Variants in FSTL5 observed in about 807,000 individuals in gnomAD.
The protein encoded by FSTL5 is follistatin like 5, also known as follistatin-related protein 5.
In FSTL5, 62 loss-of-function variants were observed where a neutral mutation model predicts 89.1. The observed-to-expected ratio is 0.70, with a 90% CI of 0.57 to 0.86. The LOEUF (loss-of-function observed/expected upper bound fraction) is 0.86. Ranked by LOEUF, FSTL5 falls within the 40% of genes least tolerant of loss-of-function variation. The pLI is 0.00. For missense variants in FSTL5, 1,057 were observed against 1,001.6 expected (o/e 1.06, Z -0.75); for synonymous variants, 383 against 346.2 (o/e 1.11, Z -1.18).
chr4:161,982,668 CAT>C (rs1188476722), intron 3 of FSTL5, among the ~76,000 whole-genome samples: 1 of 152,262 alleles, frequency 6.6e-6, no homozygotes, highest in South Asian at 2.1e-4. Context: ...TTTGATTTAA[CAT>C]ATGTACATTC....
intron 10 of FSTL5, among the ~76,000 whole-genome samples, chr4:161,511,452 A>G (rs1201082223): frequency 6.6e-6 from 1 of 152,152 alleles, no homozygotes; most frequent in Non-Finnish European, 1.5e-5. Flanking sequence ...TAAATACATG[A>G]TGTGTGCATT....
chr4:161,438,156 AG>A (rs1298044980), intron 15 of FSTL5, among the ~76,000 whole-genome samples: 2 of 152,216 alleles, frequency 1.3e-5, no homozygotes, highest in Admixed American at 1.3e-4. Context: ...AAAGGCAGGA[AG>A]GGTGAAGAAA....
At chr4:161,644,054 C>T (rs932309785) in intron 7 of FSTL5, among the ~76,000 whole-genome samples, 4 of 151,326 alleles carry the variant, frequency 2.6e-5, no homozygotes, top group African/African-American at 9.7e-5. Flanking sequence ...TGAGAACAGT[C>T]AGTTTTATTC....
chr4:161,627,814 A>G (rs1178599457), intron 7 of FSTL5, among the ~76,000 whole-genome samples: 2 of 152,154 alleles, frequency 1.3e-5, no homozygotes, highest in African/African-American at 2.4e-5. Context: ...CTATATATTA[A>G]AAAATCTTAT....
chr4:162,029,051 G>T lies in FSTL5; in HGVS notation c.160+4574C>A, dbSNP rs549715254. On this transcript the variant is annotated intron_variant, in intron 3 of 15. Transcript: ENST00000306100. ...CCGGATACATTAGGCGATTTTCAGT[G>T]CTCTGAGGTGCCAATATAAAATAAA... 4.1e-4 allele frequency among the ~76,000 whole-genome samples: 63 copies of T among 152,108 alleles called. 1 individual carries two copies. In the South Asian group the frequency reaches 6.5e-3, roughly 16 times the overall value.
rs188724746 is a variant in FSTL5, at chr4:161,665,424, G to A, written c.728-8930C>T. Among the ~76,000 whole-genome samples, 921 of 152,124 alleles carry A rather than the reference G, an allele frequency of 6.1e-3. 9 individuals carry two copies. The highest frequency in any genetic ancestry group is 0.046 in the South Asian group (220 of 4,824). On this transcript the variant is annotated intron_variant, in intron 6 of 15. Coordinates refer to ENST00000306100, the MANE Select transcript of FSTL5 (RefSeq NM_020116.5). The stretch of plus-strand genomic sequence containing the variant: ...AATTTTTTGTATTTTTAGTAGAGAT[G>A]GGGTTTCACCGTGTTAGCCAGGATG...
intron 2 of FSTL5, among the ~76,000 whole-genome samples, chr4:162,073,252 G>T (rs1405430023): frequency 6.6e-6 from 1 of 151,698 alleles, no homozygotes; most frequent in Non-Finnish European, 1.5e-5. Context: ...GTGTATGTGT[G>T]TGTGTGTATG....
intron 6 of FSTL5, among the ~76,000 whole-genome samples, chr4:161,689,455 T>C (rs34486050): frequency 0.31 from 46,608 of 151,964 alleles, 7,861 homozygotes; most frequent in Middle Eastern, 0.45. Flanking sequence ...AAAAATCTTA[T>C]TTAAATTATT....
At chr4:162,000,532 A>G (rs1399646260) in intron 3 of FSTL5, among the ~76,000 whole-genome samples, 2 of 150,388 alleles carry the variant, frequency 1.3e-5, no homozygotes, top group African/African-American at 2.4e-5. Flanking sequence ...AGGGAGGTGG[A>G]GGTTGCAGTG....
At chr4:161,465,375 A>G (rs1037350880) in intron 13 of FSTL5, among the ~76,000 whole-genome samples, 2 of 152,274 alleles carry the variant, frequency 1.3e-5, no homozygotes, top group East Asian at 3.9e-4. Context: ...AGGAATATAT[A>G]ATTACAAAAA....
At chr4:161,779,780 TATATATATATA>T (rs1560840812) in intron 4 of FSTL5, among the ~76,000 whole-genome samples, 13 of 42,786 alleles carry the variant, frequency 3.0e-4, no homozygotes, top group South Asian at 9.6e-4. Flanking sequence ...TATATGTATA[TATATATATATA>T]TATATATATA....
intron 2 of FSTL5, among the ~76,000 whole-genome samples, chr4:162,061,084 G>T (rs1578995553): frequency 6.6e-6 from 1 of 151,794 alleles, no homozygotes; most frequent in African/African-American, 2.4e-5. Flanking sequence ...TTATTTTTTT[G>T]CTTTCTTCCT....
At position 161,410,272 on chromosome 4, in the gene FSTL5, T is replaced by A. The variant is rs568019646; in HGVS notation, c.1842-23823A>T. 3.9e-5 allele frequency among the ~76,000 whole-genome samples: 6 copies of A among 152,206 alleles called. No individual in the cohort carries two copies. The East Asian group carries it at 9.7e-4, about 25-fold the overall frequency. On this transcript the variant is annotated intron_variant, in intron 15 of 15. Transcript: ENST00000306100. The stretch of plus-strand genomic sequence containing the variant: ...TGAAAAGACTTAGCCAACCACATGA[T>A]AAGAGTGAGAGACTTGAACACCCCA...
At chr4:161,637,895 TG>T (rs1422931624) in intron 7 of FSTL5, among the ~76,000 whole-genome samples, 3 of 134,990 alleles carry the variant, frequency 2.2e-5, no homozygotes, top group African/African-American at 8.5e-5. Context: ...AGTCAGGTAG[TG>T]TGATGCCTCC....
intron 15 of FSTL5, among the ~76,000 whole-genome samples, chr4:161,439,958 T>C (rs187121984): frequency 9.3e-4 from 142 of 152,238 alleles, no homozygotes; most frequent in Admixed American, 2.2e-3. Flanking sequence ...TCAGGCACAT[T>C]TTCTGTAAGT....
intron 4 of FSTL5, among the ~76,000 whole-genome samples, chr4:161,848,244 T>G (rs1731438630): frequency 6.6e-6 from 1 of 152,060 alleles, no homozygotes; most frequent in Admixed American, 6.6e-5. Context: ...ATTAGGCTTT[T>G]CATAAATATA....
At chr4:161,644,182 A>T (rs1348049107) in intron 7 of FSTL5, among the ~76,000 whole-genome samples, 1 of 152,170 alleles carries the variant, frequency 6.6e-6, no homozygotes, top group East Asian at 1.9e-4. Flanking sequence ...GGTAGATAAA[A>T]ATGACAAGAG....
chr4:161,706,736 C>A (rs906273867), intron 6 of FSTL5, among the ~76,000 whole-genome samples: 2 of 151,808 alleles, frequency 1.3e-5, no homozygotes, highest in Non-Finnish European at 2.9e-5. Context: ...ATGTACACAG[C>A]GACCTTTTAG....
At chr4:161,402,984 G>A (rs2110912645) in intron 15 of FSTL5, among the ~76,000 whole-genome samples, 1 of 151,650 alleles carries the variant, frequency 6.6e-6, no homozygotes, top group South Asian at 2.1e-4. Context: ...ACCACGCCCG[G>A]CTAATTTTTT....
Sources: gnomAD v4.1 joint callset for allele counts (sites outside exome capture counted in the v4.1 genomes callset) on GRCh38, gnomAD v4.1.1 for gene constraint, MANE v1.5 for transcripts, NCBI Gene and HGNC (gene_info 2026-07-23, HGNC 2026-07-21) for gene names.